Variants in NAALADL2 observed in about 807,000 individuals in gnomAD.
NAALADL2 encodes the protein inactive N-acetylated-alpha-linked acidic dipeptidase-like protein 2.
NAALADL2 carries 76 observed loss-of-function variants against 87.2 expected under a neutral mutation model. The observed-to-expected ratio is 0.87, with a 90% confidence interval of 0.72 to 1.05. The LOEUF (loss-of-function observed/expected upper bound fraction) is 1.05, where lower values mean the gene tolerates loss of function less well. Ranked by LOEUF, NAALADL2 falls within the 50% of genes least tolerant of loss-of-function variation. The pLI, the probability that NAALADL2 is intolerant of heterozygous loss-of-function variation, is 0.00. For synonymous variants in NAALADL2, 354 were observed against 331.0 expected (o/e 1.07, Z -0.75); for missense variants, 1,089 against 945.8 (o/e 1.15, Z -1.99).
intron 3 of NAALADL2, among the ~76,000 whole-genome samples, chr3:174,851,559 T>C (rs1446718600): frequency 6.6e-6 from 1 of 151,970 alleles, no homozygotes; most frequent in Non-Finnish European, 1.5e-5. Context: ...CTACCAGTGT[T>C]GAACTATGAA....
intron 1 of NAALADL2, among the ~76,000 whole-genome samples, chr3:175,094,757 AGTGTGTGTGTGT>A (rs369083345): frequency 2.4e-5 from 3 of 126,060 alleles, no homozygotes; most frequent in South Asian, 2.7e-4. Context: ...CAGACACTAT[AGTGTGTGTGTGT>A]GTGTGTGTGT....
chr3:174,457,485 G>A (rs189216385), intron 1 of NAALADL2, among the ~76,000 whole-genome samples: 46 of 152,280 alleles, frequency 3.0e-4, no homozygotes, highest in African/African-American at 9.4e-4. Flanking sequence ...TAAAGAAAAT[G>A]TGGTAAATAC....
chr3:175,350,950 TA>T (rs1307788617), intron 5 of NAALADL2, among the ~76,000 whole-genome samples: 1 of 152,172 alleles, frequency 6.6e-6, no homozygotes, highest in African/African-American at 2.4e-5. Context: ...TTTTTTTCAT[TA>T]AAAACAGAAA....
intron 9 of NAALADL2, among the ~76,000 whole-genome samples, chr3:175,485,794 C>A (rs1326226707): frequency 2.0e-5 from 3 of 152,190 alleles, no homozygotes; most frequent in Non-Finnish European, 2.9e-5. Context: ...AACACCCTCA[C>A]AGACACACCC....
chr3:175,722,855 C>G (rs1290834840), intron 11 of NAALADL2, among the ~76,000 whole-genome samples: 2 of 152,126 alleles, frequency 1.3e-5, no homozygotes. Context: ...CATAGATGCA[C>G]TATATAGCCT....
intron 4 of NAALADL2, among the ~76,000 whole-genome samples, chr3:175,263,816 G>C (rs2109929991): frequency 6.6e-6 from 1 of 151,560 alleles, no homozygotes; most frequent in South Asian, 2.1e-4. Flanking sequence ...CCCCCTAAAA[G>C]TACCCATGTT....
intron 1 of NAALADL2, among the ~76,000 whole-genome samples, chr3:174,535,825 T>C (rs1298377475): frequency 1.3e-5 from 2 of 152,162 alleles, no homozygotes; most frequent in Non-Finnish European, 2.9e-5. Context: ...CTGGATTGGA[T>C]TGCATTTTCC....
intron 4 of NAALADL2, among the ~76,000 whole-genome samples, chr3:175,261,748 A>G (rs981910377): frequency 3.3e-5 from 5 of 152,048 alleles, no homozygotes; most frequent in Admixed American, 6.6e-5. Context: ...CAAATGAAAC[A>G]TTTTTGTGTA....
intron 5 of NAALADL2, among the ~76,000 whole-genome samples, chr3:175,431,895 A>G (rs1717819166): frequency 6.6e-6 from 1 of 151,948 alleles, no homozygotes; most frequent in African/African-American, 2.4e-5. Flanking sequence ...CTTCTCTCTT[A>G]ATTACCTCAT....
chr3:174,509,082 C>T (rs1441823040), intron 1 of NAALADL2, among the ~76,000 whole-genome samples: 1 of 149,592 alleles, frequency 6.7e-6, no homozygotes, highest in African/African-American at 2.5e-5. Context: ...TATTTTTTTC[C>T]TTTGTTTTCA....
chr3:174,826,733 G>C (rs1012110331), intron 3 of NAALADL2, among the ~76,000 whole-genome samples: 2 of 151,994 alleles, frequency 1.3e-5, no homozygotes, highest in African/African-American at 2.4e-5. Flanking sequence ...ATGTTTTATG[G>C]TTTATTTTTG....
chr3:175,391,358 A>G (rs115179656), intron 5 of NAALADL2, among the ~76,000 whole-genome samples: 3,002 of 152,244 alleles, frequency 0.02, 102 homozygotes, highest in African/African-American at 0.069. Context: ...TGTCACTTTC[A>G]ATATTAGATT....
intron 1 of NAALADL2, among the ~76,000 whole-genome samples, chr3:174,522,933 C>CAAAAAAAAAAAAAAAAAAAA (rs57653560): frequency 2.6e-5 from 2 of 75,838 alleles, no homozygotes; most frequent in African/African-American, 4.7e-5. Flanking sequence ...GACTCTGTCT[C>CAAAAAAAAAAAAAAAAAAAA]AAAAAAAAAA....
At position 175,181,718 on chromosome 3, in the gene NAALADL2, T is replaced by TTTATATGC. The variant is rs1553802465; in HGVS notation, c.546-52213_546-52212insTTATATGC. Among the ~76,000 whole-genome samples the TTTATATGC allele has an allele frequency of 5.9e-4, 43 of 72,408 alleles. 2 individuals are homozygous for TTTATATGC. In the East Asian group the frequency reaches 0.016, roughly 27 times the overall value. The allele number at this position is 72,408 out of a possible 152,430, so 47.5% of individuals were successfully genotyped here. Reference sequence around the variant, plus strand: ...ATATATATATATGTGTGTGTGTGTGTATATATATGTATATATGTGTATATA... The same window carrying TTTATATGC: ...ATATATATATATGTGTGTGTGTGTGTTTATATGCATATATATGTATATATGTGTATATA... On this transcript the variant is annotated intron_variant, in intron 2 of 13. Coordinates refer to ENST00000454872, the MANE Select transcript of NAALADL2 (RefSeq NM_207015.3).
intron 2 of NAALADL2, among the ~76,000 whole-genome samples, chr3:174,589,098 C>G (rs191552280): frequency 6.6e-6 from 1 of 152,302 alleles, no homozygotes; most frequent in East Asian, 1.9e-4. Flanking sequence ...CCCCCAGCCT[C>G]GCTGCCACCT....
intron 1 of NAALADL2, among the ~76,000 whole-genome samples, chr3:175,014,033 G>T (rs1410946185): frequency 2.0e-5 from 3 of 152,116 alleles, no homozygotes; most frequent in African/African-American, 4.8e-5. Flanking sequence ...TCTGTCATTT[G>T]CCAGGGGTGC....
intron 1 of NAALADL2, among the ~76,000 whole-genome samples, chr3:174,547,546 A>G (rs574038503): frequency 6.6e-6 from 1 of 152,110 alleles, no homozygotes; most frequent in East Asian, 1.9e-4. Context: ...GAATCCCAAT[A>G]ATAAGGAATA....
Position 175,348,209 on chromosome 3 carries a change from G to A in NAALADL2, c.1090+23884G>A, listed in dbSNP as rs190491461. 3.7e-4 allele frequency among the ~76,000 whole-genome samples: 57 copies of A among 152,034 alleles called. 1 individual carries two copies. The highest frequency in any genetic ancestry group is 3.4e-3 in the Middle Eastern group (1 of 294). Reference sequence around the variant, plus strand: ...TGGGATTACAGTCATGTGCCACCACGCCCAGCTAATTTTGTATTTTTAGTA... The same window carrying A: ...TGGGATTACAGTCATGTGCCACCACACCCAGCTAATTTTGTATTTTTAGTA... On this transcript the variant is annotated intron_variant, in intron 5 of 13. Transcript: ENST00000454872.
At chr3:175,313,702 G>A (rs978605037) in intron 4 of NAALADL2, among the ~76,000 whole-genome samples, 6 of 152,086 alleles carry the variant, frequency 3.9e-5, no homozygotes, top group African/African-American at 1.4e-4. Flanking sequence ...TCCTCCTTCC[G>A]AGCGAGAAAA....
Sources: allele counts gnomAD v4.1 joint callset (sites outside exome capture counted in the v4.1 genomes callset), GRCh38; gene constraint gnomAD v4.1.1; transcripts MANE v1.5; gene names NCBI Gene and HGNC (gene_info 2026-07-23, HGNC 2026-07-21).